BMP2K: variants seen among roughly 807,000 people sequenced by gnomAD.
BMP2K encodes the protein BMP2 inducible kinase, also known as BMP-2-inducible protein kinase.
In BMP2K, 74 loss-of-function variants were observed where a neutral mutation model predicts 116.0. The ratio of observed to expected loss-of-function variants is 0.64; its 90% CI spans 0.53 to 0.77. The LOEUF (loss-of-function observed/expected upper bound fraction) is 0.77, where lower values mean the gene tolerates loss of function less well. Among genes scored for constraint, BMP2K ranks in the 30% least tolerant of loss-of-function variants. The pLI, the probability that BMP2K is intolerant of heterozygous loss-of-function variation, is 0.00. For synonymous variants in BMP2K, 486 were observed against 502.5 expected, an observed-to-expected ratio of 0.97 and a Z score of 0.44; for missense variants, 1,365 against 1,403.6, an observed-to-expected ratio of 0.97 and a Z score of 0.44.
chr4:78,796,192 C>T (rs564167735), intron 1 of BMP2K, among the ~76,000 whole-genome samples: 184 of 152,096 alleles, frequency 1.2e-3, no homozygotes, highest in Non-Finnish European at 2.1e-3. Context: ...ACATATACAC[C>T]ATGGAATACT....
chr4:78,833,809 T>C, intron 3 of BMP2K, 122 bp downstream of exon 3: 1 of 658,916 alleles, frequency 1.5e-6, no homozygotes, highest in Non-Finnish European at 2.6e-6. Context: ...AATCTTACCT[T>C]TCATTATCTA....
chr4:78,823,681 A>T (rs1176223892), intron 1 of BMP2K, among the ~76,000 whole-genome samples: 1 of 151,354 alleles, frequency 6.6e-6, no homozygotes, highest in African/African-American at 2.4e-5. Context: ...GGGCCCCATT[A>T]TAGGCCTACT....
rs918083201 is a variant in BMP2K, at chr4:78,914,579, A to G, written c.*2546A>G. ...GTTATTCCCTTGTGAGAATTATGAG[A>G]ATAAAGCTCCCAAGATATGTGAAAG... On this transcript the variant is annotated 3_prime_UTR_variant, in exon 16 of 16. Transcript: ENST00000502613. 6 of 151,944 alleles carry G rather than the reference A, an allele frequency of 3.9e-5. No homozygotes were observed. The highest frequency in any genetic ancestry group is 7.4e-5 in the Non-Finnish European group (5 of 67,902). 9.4% of individuals were successfully genotyped at this position (151,944 alleles called of 1,614,324 possible).
chr4:78,819,751 T>C (rs1729523685), intron 1 of BMP2K, among the ~76,000 whole-genome samples: 1 of 152,184 alleles, frequency 6.6e-6, no homozygotes, highest in African/African-American at 2.4e-5. Flanking sequence ...AACATTTTTT[T>C]CCATCTTTCA....
chr4:78,827,104 A>G (rs988063679), intron 2 of BMP2K, among the ~76,000 whole-genome samples: 1 of 152,182 alleles, frequency 6.6e-6, no homozygotes, highest in African/African-American at 2.4e-5. Flanking sequence ...TGCCTATTCT[A>G]CTTCTATATC....
At chr4:78,894,643 G>A (rs1733608879) in intron 15 of BMP2K, among the ~76,000 whole-genome samples, 1 of 152,198 alleles carries the variant, frequency 6.6e-6, no homozygotes, top group Admixed American at 6.5e-5. Flanking sequence ...TCAGCAGTAA[G>A]GTTGTTTTCC....
intron 10 of BMP2K, among the ~76,000 whole-genome samples, chr4:78,869,355 C>T (rs903773386): frequency 6.6e-6 from 1 of 151,718 alleles, no homozygotes; most frequent in Non-Finnish European, 1.5e-5. Flanking sequence ...ATAAAATATA[C>T]TAAAGGCTGG....
In BMP2K at chr4:78,851,907, A is replaced by G. The variant is rs182773956; in HGVS notation, c.883+851A>G. ...ATTGCCATATAACTTTAAACCATTA[A>G]AAGTTCCCCCAGACTCATGAACCCA... On this transcript the variant is annotated intron_variant, in intron 7 of 15. Coordinates refer to ENST00000502613, the MANE Select transcript of BMP2K (RefSeq NM_198892.2). 1.6e-4 allele frequency among the ~76,000 whole-genome samples: 25 copies of G among 152,256 alleles called. 1 individual carries two copies. The East Asian group carries it at 4.8e-3, about 29-fold the overall frequency.
intron 15 of BMP2K, among the ~76,000 whole-genome samples, chr4:78,902,578 A>C (rs1411998690): frequency 1.3e-5 from 2 of 152,142 alleles, no homozygotes; most frequent in Non-Finnish European, 2.9e-5. Context: ...ACCCTCAATG[A>C]TGAGACAACA....
At chr4:78,874,837 T>A (rs776110070) in intron 13 of BMP2K, among the ~76,000 whole-genome samples, 1 of 152,190 alleles carries the variant, frequency 6.6e-6, no homozygotes, top group Non-Finnish European at 1.5e-5. Flanking sequence ...TTTATTCTCA[T>A]TTGTAGTGAT....
intron 1 of BMP2K, among the ~76,000 whole-genome samples, chr4:78,788,916 A>G (rs1046765635): frequency 1.8e-5 from 2 of 111,080 alleles, no homozygotes; most frequent in African/African-American, 7.6e-5. Context: ...TTTTTTTTTT[A>G]AATACACTAA....
In BMP2K at chr4:78,776,700, C is replaced by G; in HGVS notation, c.157C>G (p.Leu53Val). 22 of 1,263,200 alleles carry G rather than the reference C, an allele frequency of 1.7e-5. No individual in the cohort carries two copies. Among genetic ancestry groups the G allele is most frequent in the Non-Finnish European group, 2.2e-5 (22 of 1,000,120 alleles). The allele number at this position is 1,263,200 out of a possible 1,614,324, so 78.2% of individuals were successfully genotyped here. A position where few individuals can be genotyped will look rare whatever the true frequency, so the allele number is the denominator to read the frequency against. Residue 53 changes from leucine (L) to valine (V), a missense_variant, in exon 1 of 16, where the codon CTG (leucine) becomes GTG (valine). Transcript: ENST00000502613. Reference protein sequence around the residue: ...VFAVGRHQVTLEESLAEGGFS... With the variant: ...VFAVGRHQVTVEESLAEGGFS... ...CGCGGTCGGCCGCCACCAGGTCACC[C>G]TGGAAGAGTCGCTGGCCGAAGGTAC...
At position 78,819,954 on chromosome 4, in the gene BMP2K, T is replaced by G. The variant is rs147204840; in HGVS notation, c.179-6083T>G. Among the ~76,000 whole-genome samples the G allele has an allele frequency of 3.9e-5, 6 of 152,290 alleles. No individual in the cohort carries two copies. The East Asian group carries it at 9.6e-4, about 24-fold the overall frequency. ...ACTCAGTCTTGCTCAGTATATAATA[T>G]CTAGGTCTTTTTTGTCATCTAATAG... On this transcript the variant is annotated intron_variant, in intron 1 of 15. Transcript: ENST00000502613.
intron 1 of BMP2K, 22 bp from the exon 2 acceptor site, chr4:78,826,015 A>C (rs745893840): frequency 1.3e-6 from 2 of 1,549,264 alleles, no homozygotes; most frequent in Non-Finnish European, 1.8e-6. Flanking sequence ...CTTTTAAATT[A>C]ATTGGTGCTT....
intron 2 of BMP2K, among the ~76,000 whole-genome samples, chr4:78,830,477 G>C (rs1199425142): frequency 1.3e-5 from 2 of 152,192 alleles, no homozygotes; most frequent in East Asian, 3.8e-4. Context: ...CCCTTAACAA[G>C]AGAGTTAACC....
chr4:78,870,985 G>C lies in BMP2K; in HGVS notation c.1434G>C (p.Gln478His). Residue 478 changes from glutamine (Q) to histidine (H), a missense_variant, in exon 11 of 16, where the codon CAG becomes CAC. By Grantham distance (24) the Gln-to-His change is conservative. Around this residue, in one of 3 missense-constraint regions of BMP2K, gnomAD observed 762 missense variants for 756.7 expected, o/e 1.01. Coordinates refer to ENST00000502613, the MANE Select transcript of BMP2K (RefSeq NM_198892.2). ...AACAGCAGCAGCAGCAACAGCAACA[G>C]CAGCAGCAGCAGCAGCAGCAGCAGC... ...QQQQQQQQQQ[Q>H]QQQQQQQQHH... 7.0e-7 allele frequency: 1 copy of C among 1,427,688 alleles called. No individual in the cohort carries two copies. Among genetic ancestry groups the C allele is most frequent in the Non-Finnish European group, 9.6e-7 (1 of 1,042,594 alleles). 88.4% of individuals were successfully genotyped at this position (1,427,688 alleles called of 1,614,324 possible).
chr4:78,817,167 T>C (rs1016370558), intron 1 of BMP2K, among the ~76,000 whole-genome samples: 1 of 152,210 alleles, frequency 6.6e-6, no homozygotes, highest in African/African-American at 2.4e-5. Flanking sequence ...TCCATAACTA[T>C]TATTCCTGAG....
Position 78,911,234 on chromosome 4 carries a change from A to T in BMP2K, c.2687A>T (p.Asp896Val). ...GCAGGACTGGAGCAGGAGGAATTTG[A>T]TGTATTCACAAAGGCGCCTTTTAGC... The part of the protein sequence containing the change: ...PAAGLEQEEF[D>V]VFTKAPFSKK... The change falls in exon 16 of 16, where the codon GAT (aspartate) becomes GTT (valine). Residue 896 changes from aspartate (D) to valine (V), a missense_variant. By Grantham distance (152) the Asp-to-Val change is radical. This residue lies in a region of BMP2K where 596 missense variants were observed against 623.2 expected (regional missense o/e 0.96). Transcript: ENST00000502613. 14 of 1,613,980 alleles carry T rather than the reference A, an allele frequency of 8.7e-6. No individual in the cohort carries two copies. The highest frequency in any genetic ancestry group is 1.2e-5 in the Non-Finnish European group (14 of 1,179,870).
chr4:78,794,670 T>C (rs1447898662), intron 1 of BMP2K, among the ~76,000 whole-genome samples: 3 of 152,132 alleles, frequency 2.0e-5, no homozygotes, highest in Non-Finnish European at 2.9e-5. Context: ...TCAAGCGATC[T>C]TCCCACCTCT....
Sources: gnomAD v4.1 joint callset for allele counts (sites outside exome capture counted in the v4.1 genomes callset) on GRCh38, gnomAD v4.1.1 for gene constraint, gnomAD v4.1.1 regional missense constraint, MANE v1.5 for transcripts, NCBI Gene and HGNC (gene_info 2026-07-23, HGNC 2026-07-21) for gene names.